CEP192: variants seen among roughly 807,000 people sequenced by gnomAD.
CEP192 encodes the protein centrosomal protein of 192 kDa.
CEP192 carries 151 observed loss-of-function variants against 271.8 expected under a neutral mutation model. That is an observed-to-expected ratio of 0.56 (90% CI 0.49 to 0.64). The LOEUF (loss-of-function observed/expected upper bound fraction) is 0.64. Ranked by LOEUF, CEP192 falls within the 30% of genes least tolerant of loss-of-function variation. The pLI is 0.00. For synonymous variants in CEP192, 995 were observed against 1,076.5 expected (o/e 0.92, Z 1.48); for missense variants, 2,910 against 3,020.5 (o/e 0.96, Z 0.86).
rs2036018105 is a variant in CEP192, at chr18:13,038,295, T to C, written c.1600-75T>C. 12 of 1,205,710 alleles carry C rather than the reference T, an allele frequency of 1.0e-5. No homozygotes were observed. The South Asian group carries it at 1.8e-4, about 18-fold the overall frequency. 74.7% of individuals were successfully genotyped at this position (1,205,710 alleles called of 1,614,324 possible). Reference sequence around the variant, plus strand: ...TTTAAATTTTCTTGGTAAGACTTTTTTAGTTTTTGTATATTAGAACAACAG... The same window carrying C: ...TTTAAATTTTCTTGGTAAGACTTTTCTAGTTTTTGTATATTAGAACAACAG... On this transcript the variant is annotated intron_variant, in intron 12 of 44. Transcript: ENST00000506447.
intron 4 of CEP192, among the ~76,000 whole-genome samples, chr18:13,009,748 G>A (rs894518202): frequency 2.0e-5 from 3 of 152,082 alleles, no homozygotes. Flanking sequence ...CAGGAGAATC[G>A]CTTGAACCCG....
Position 13,038,412 on chromosome 18 carries a change from G to T in CEP192, c.1642G>T (p.Asp548Tyr), listed in dbSNP as rs920509759. Reference sequence around the variant, plus strand: ...TCATAATACTTCGGTTGCACTGGGCGATACGTCCTGGGGAGCTACAATTAA... The same window carrying T: ...TCATAATACTTCGGTTGCACTGGGCTATACGTCCTGGGGAGCTACAATTAA... The part of the protein sequence containing the change: ...DAHNTSVALG[D>Y]TSWGATINYS... The change falls in exon 13 of 45, where the codon GAT becomes TAT. Residue 548 changes from aspartate to tyrosine, a missense_variant. Asp to Tyr is a radical substitution (Grantham distance 160). Coordinates refer to ENST00000506447, the MANE Select transcript of CEP192 (RefSeq NM_032142.4). The T allele has an allele frequency of 7.7e-6, 12 of 1,551,622 alleles. No individual in the cohort carries two copies. The South Asian group carries it at 1.4e-4, about 18-fold the overall frequency.
Position 13,018,554 on chromosome 18 carries a change from C to T in CEP192, c.864C>T (p.His288=). Residue 288 remains histidine, a synonymous_variant, in exon 8 of 45, where the codon CAC becomes CAT. Transcript: ENST00000506447. The stretch of plus-strand genomic sequence containing the variant: ...GCTCTCTGATTTCCCTCGACTCACA[C>T]TCTTCTGAAACAACTCACAAAGAGT... ...NNSSLISLDS[H]SSETTHKESE... 12 of 1,542,436 alleles carry T rather than the reference C, an allele frequency of 7.8e-6. No individual in the cohort carries two copies. Among genetic ancestry groups the T allele is most frequent in the Non-Finnish European group, 9.6e-6 (11 of 1,140,458 alleles).
In CEP192 at chr18:13,048,971, T is replaced by A; in HGVS notation, c.2180T>A (p.Val727Asp). 6.2e-7 allele frequency: 1 copy of A among 1,614,080 alleles called. No individual in the cohort carries two copies. Among genetic ancestry groups the A allele is most frequent in the Non-Finnish European group, 8.5e-7 (1 of 1,179,952 alleles). ...GCTTCAGCCATTGCAGAGGCATCAG[T>A]TAATACTGATCCTTCCCAACTTGCT... ...TIASAIAEAS[V>D]NTDPSQLAAM... is the part of the protein sequence containing the mutation. Residue 727 changes from valine (V) to aspartate (D), a missense_variant, in exon 16 of 45, where the codon GTT becomes GAT. Physicochemically the swap from Val to Asp is radical, Grantham distance 152 (BLOSUM62 -3). Coordinates refer to ENST00000506447, the MANE Select transcript of CEP192 (RefSeq NM_032142.4).
chr18:12,997,005 G>A (rs1291866131), intron 1 of CEP192, among the ~76,000 whole-genome samples: 1 of 152,068 alleles, frequency 6.6e-6, no homozygotes, highest in Non-Finnish European at 1.5e-5. Context: ...GGATAATGGG[G>A]GTGTGAGGTA....
chr18:13,065,964 A>G (rs2037676356), intron 21 of CEP192, among the ~76,000 whole-genome samples: 1 of 152,222 alleles, frequency 6.6e-6, no homozygotes, highest in South Asian at 2.1e-4. Flanking sequence ...TTAGTAAACT[A>G]GTCACTAGTA....
At chr18:13,030,705 C>T in intron 11 of CEP192, 97 bp downstream of exon 11, 1 of 916,830 alleles carries the variant, frequency 1.1e-6, no homozygotes, top group Non-Finnish European at 1.7e-6. Context: ...CAGATCCCTT[C>T]TGGACTATCA....
chr18:12,992,276 A>G (rs1235183278), intron 1 of CEP192, among the ~76,000 whole-genome samples: 5 of 152,352 alleles, frequency 3.3e-5, no homozygotes, highest in African/African-American at 1.2e-4. Context: ...GAACAATAAT[A>G]TACCAAATGC....
intron 27 of CEP192, 132 bp downstream of exon 27, chr18:13,069,988 C>T (rs2037926174): frequency 2.1e-5 from 12 of 567,728 alleles, no homozygotes; most frequent in Non-Finnish European, 6.3e-6. Flanking sequence ...TGGCGAAATC[C>T]TGTCTCTACT....
At chr18:13,039,848 C>G (rs2036112085) in intron 13 of CEP192, among the ~76,000 whole-genome samples, 1 of 152,148 alleles carries the variant, frequency 6.6e-6, no homozygotes, top group Non-Finnish European at 1.5e-5. Context: ...CAGGCAAACA[C>G]TTAGGAAATG....
At chr18:13,037,180 T>C in intron 11 of CEP192, 57 bp from the exon 12 acceptor site, 2 of 730,960 alleles carry the variant, frequency 2.7e-6, no homozygotes, top group South Asian at 1.6e-5. Flanking sequence ...TGTATCTGTG[T>C]GCTAGTGTTT....
chr18:13,012,981 A>T lies in CEP192; in HGVS notation c.475A>T (p.Ile159Phe), dbSNP rs538516598. ...TTTGTTTTCTTACACAGACTCACCT[A>T]TTGATTTTCATTTACAGTCATGGAT... ...SPLEQAQDSPIDFHLQSWMNN... is the reference protein window; with the variant it reads ...SPLEQAQDSPFDFHLQSWMNN... Residue 159 changes from isoleucine (I) to phenylalanine (F), a missense_variant, in exon 5 of 45, where the codon ATT becomes TTT. Ile to Phe is a conservative substitution (Grantham distance 21). Transcript: ENST00000506447. 204 of 1,510,714 alleles carry T rather than the reference A, an allele frequency of 1.4e-4. 1 individual carries two copies. The African/African-American group carries it at 2.6e-3, about 19-fold the overall frequency. 93.6% of individuals were successfully genotyped at this position (1,510,714 alleles called of 1,614,324 possible).
intron 28 of CEP192, 136 bp from the exon 29 acceptor site, chr18:13,072,619 A>G: frequency 3.0e-6 from 2 of 661,452 alleles, no homozygotes; most frequent in Non-Finnish European, 5.4e-6. Flanking sequence ...GTGGGGAGAC[A>G]ATTCCAGGCT....
At chr18:12,997,730 C>A (rs1050871005) in intron 1 of CEP192, among the ~76,000 whole-genome samples, 2 of 152,014 alleles carry the variant, frequency 1.3e-5, no homozygotes, top group Non-Finnish European at 2.9e-5. Context: ...GTAAGTTCTT[C>A]TTATTTTTGG....
chr18:13,073,641 C>T (rs569104392), intron 30 of CEP192, among the ~76,000 whole-genome samples: 1 of 152,256 alleles, frequency 6.6e-6, no homozygotes, highest in East Asian at 1.9e-4. Flanking sequence ...GGTTGGGAAG[C>T]CCAAGATTAG....
In CEP192 at chr18:13,064,440, G is replaced by A. The variant is rs180933621; in HGVS notation, c.4489-3391G>A. Among the ~76,000 whole-genome samples, 302 of 151,764 alleles carry A rather than the reference G, an allele frequency of 2.0e-3. 1 individual carries two copies. Among genetic ancestry groups the A allele is most frequent in the African/African-American group, 6.7e-3 (276 of 41,406 alleles). On this transcript the variant is annotated intron_variant, in intron 21 of 44. Transcript: ENST00000506447. ...ATCCTGGCTAACACAGTTGAACCCC[G>A]TCTCTACTAAAAATACAAAAAATTA...
At chr18:13,037,968 T>G (rs1598424354) in intron 12 of CEP192, among the ~76,000 whole-genome samples, 3 of 152,332 alleles carry the variant, frequency 2.0e-5, no homozygotes, top group Admixed American at 2.0e-4. Context: ...ATTCAAAATT[T>G]ATGATAGTGT....
At chr18:13,070,764 G>A (rs1290572032) in intron 27 of CEP192, among the ~76,000 whole-genome samples, 3 of 152,294 alleles carry the variant, frequency 2.0e-5, no homozygotes, top group East Asian at 3.9e-4. Flanking sequence ...CAACCTCCCT[G>A]GGCTGGCGCC....
At chr18:13,018,812 A>G (rs1222844591) in intron 8 of CEP192, among the ~76,000 whole-genome samples, 197 bp downstream of exon 8, 1 of 152,214 alleles carries the variant, frequency 6.6e-6, no homozygotes, top group African/African-American at 2.4e-5. Context: ...ATACCGTAGT[A>G]TATATTTCTT....
Sources: gnomAD v4.1 joint callset for allele counts (sites outside exome capture counted in the v4.1 genomes callset) on GRCh38, gnomAD v4.1.1 for gene constraint, MANE v1.5 for transcripts, NCBI Gene and HGNC (gene_info 2026-07-23, HGNC 2026-07-21) for gene names.